Variants in ADK observed in about 807,000 individuals in gnomAD.
ADK encodes adenosine kinase.
Under a neutral mutation model 44.7 loss-of-function variants are expected in ADK, and 24 were observed. The observed-to-expected ratio is 0.54, with a 90% confidence interval of 0.39 to 0.76. The LOEUF (loss-of-function observed/expected upper bound fraction) is 0.76. Among genes scored for constraint, ADK ranks in the 30% least tolerant of loss-of-function variants. The pLI is 0.00. For missense variants in ADK, 321 were observed against 425.1 expected (o/e 0.76, Z 2.15); for synonymous variants, 128 against 142.6 (o/e 0.90, Z 0.73).
intron 6 of ADK, among the ~76,000 whole-genome samples, chr10:74,401,719 TGG>T (rs1393454853): frequency 3.3e-5 from 5 of 152,210 alleles, no homozygotes; most frequent in African/African-American, 1.2e-4. Flanking sequence ...GTCTTTTAAT[TGG>T]GGCGTTTAGC....
intron 4 of ADK, among the ~76,000 whole-genome samples, chr10:74,338,411 T>G (rs1233003528): frequency 6.6e-6 from 1 of 152,190 alleles, no homozygotes; most frequent in Non-Finnish European, 1.5e-5. Context: ...ATCATATTCC[T>G]GAGTATTTAA....
chr10:74,230,532 C>T (rs1844720621), intron 3 of ADK, among the ~76,000 whole-genome samples: 1 of 151,238 alleles, frequency 6.6e-6, no homozygotes, highest in South Asian at 2.1e-4. Flanking sequence ...AAAACAGTTG[C>T]ATGATCATGG....
chr10:74,396,720 G>A (rs1394695926), intron 5 of ADK, among the ~76,000 whole-genome samples: 3 of 138,948 alleles, frequency 2.2e-5, no homozygotes, highest in Non-Finnish European at 4.9e-5. Flanking sequence ...TTGGGAGGCC[G>A]AGGCGGGTGG....
At chr10:74,276,762 A>T (rs1846695459) in intron 3 of ADK, among the ~76,000 whole-genome samples, 1 of 151,506 alleles carries the variant, frequency 6.6e-6, no homozygotes, top group African/African-American at 2.4e-5. Flanking sequence ...GTTTAATCTC[A>T]GTGGTGTTTA....
chr10:74,495,156 G>A (rs925406249), intron 6 of ADK, among the ~76,000 whole-genome samples: 8 of 151,844 alleles, frequency 5.3e-5, no homozygotes, highest in African/African-American at 1.5e-4. Context: ...TAATGATGTA[G>A]ATCTCTTCAT....
intron 9 of ADK, among the ~76,000 whole-genome samples, chr10:74,634,412 G>T (rs1589317810): frequency 1.3e-5 from 2 of 151,886 alleles, no homozygotes; most frequent in South Asian, 2.1e-4. Flanking sequence ...TGGAGACGGG[G>T]TTTCACCGTG....
intron 3 of ADK, among the ~76,000 whole-genome samples, chr10:74,292,526 G>T (rs1307889574): frequency 6.6e-6 from 1 of 152,098 alleles, no homozygotes; most frequent in Non-Finnish European, 1.5e-5. Flanking sequence ...GAATCTGCTT[G>T]TATTTTTGAT....
intron 6 of ADK, among the ~76,000 whole-genome samples, chr10:74,477,444 G>A (rs543547543): frequency 1.6e-4 from 24 of 152,282 alleles, no homozygotes; most frequent in African/African-American, 5.8e-4. Flanking sequence ...CTAGGCTCAC[G>A]TGATCTACCT....
chr10:74,405,570 A>G (rs1477429450), intron 6 of ADK, among the ~76,000 whole-genome samples: 1 of 152,044 alleles, frequency 6.6e-6, no homozygotes, highest in Non-Finnish European at 1.5e-5. Context: ...TGCTGCACCC[A>G]GCAGAGGATT....
intron 1 of ADK, chr10:74,176,761 C>G: frequency 6.4e-7 from 1 of 1,559,074 alleles, no homozygotes; most frequent in South Asian, 1.2e-5. Flanking sequence ...GGACGCGCTC[C>G]CAGTCGCTGA....
At chr10:74,631,330 A>G (rs1033227412) in intron 9 of ADK, among the ~76,000 whole-genome samples, 2 of 150,642 alleles carry the variant, frequency 1.3e-5, no homozygotes, top group African/African-American at 4.9e-5. Context: ...GCTGGAGTGC[A>G]ATGGCGCAAC....
chr10:74,449,580 C>T (rs899227007), intron 6 of ADK, among the ~76,000 whole-genome samples: 9 of 151,668 alleles, frequency 5.9e-5, no homozygotes, highest in Non-Finnish European at 1.5e-5. Flanking sequence ...CTGTTTAGTG[C>T]CTAGTATTTT....
intron 9 of ADK, among the ~76,000 whole-genome samples, chr10:74,610,631 A>C (rs1426161396): frequency 1.3e-5 from 2 of 152,126 alleles, no homozygotes; most frequent in African/African-American, 4.8e-5. Context: ...CCTAAAGAGT[A>C]AGATGCTGGG....
In ADK at chr10:74,493,048, C is replaced by A. The variant is rs185102803; in HGVS notation, c.556-32208C>A. Among the ~76,000 whole-genome samples the A allele has an allele frequency of 2.0e-5, 3 of 152,102 alleles. 1 individual carries two copies. Among genetic ancestry groups the A allele is most frequent in the South Asian group, 4.1e-4 (2 of 4,826 alleles). ...CCAAATAATGATTTGTTTTTCATTC[C>A]ATCATTTTTTCTGCATTTGTTAGTT... On this transcript the variant is annotated intron_variant, in intron 6 of 10. Transcript: ENST00000539909.
At position 74,249,496 on chromosome 10, in the gene ADK, T is replaced by TACACACACAC. The variant is rs72380023; in HGVS notation, c.194+24927_194+24936dup. On this transcript the variant is annotated intron_variant, in intron 3 of 10. Transcript: ENST00000539909. ...TTTATTGTATATGCATGTACATGCA[T>TACACACACAC]ACACACACACACACACACACACACA... Among the ~76,000 whole-genome samples the TACACACACAC allele has an allele frequency of 2.4e-4, 36 of 149,162 alleles. 1 individual carries two copies. Among genetic ancestry groups the TACACACACAC allele is most frequent in the Middle Eastern group, 6.9e-3 (2 of 290 alleles).
intron 6 of ADK, among the ~76,000 whole-genome samples, chr10:74,470,731 A>G (rs1846552920): frequency 1.3e-5 from 2 of 151,916 alleles, no homozygotes; most frequent in African/African-American, 4.8e-5. Context: ...CTCTCACTTC[A>G]TAAGTTGCCT....
At chr10:74,466,399 C>T (rs1295180978) in intron 6 of ADK, among the ~76,000 whole-genome samples, 1 of 152,164 alleles carries the variant, frequency 6.6e-6, no homozygotes, top group Non-Finnish European at 1.5e-5. Flanking sequence ...CTCTTTCCCT[C>T]TGCCTTCAGT....
intron 4 of ADK, among the ~76,000 whole-genome samples, chr10:74,362,622 A>G (rs570387347): frequency 6.6e-5 from 10 of 152,266 alleles, no homozygotes; most frequent in African/African-American, 1.4e-4. Context: ...AAGTGTGATG[A>G]TGTCTGAGCA....
At chr10:74,596,225 G>C (rs2133948514) in intron 8 of ADK, among the ~76,000 whole-genome samples, 1 of 152,088 alleles carries the variant, frequency 6.6e-6, no homozygotes, top group Non-Finnish European at 1.5e-5. Context: ...TATTATCCTT[G>C]GAGTCAGACT....
Sources: gnomAD v4.1 joint callset for allele counts (sites outside exome capture counted in the v4.1 genomes callset) on GRCh38, gnomAD v4.1.1 for gene constraint, MANE v1.5 for transcripts, NCBI Gene and HGNC (gene_info 2026-07-23, HGNC 2026-07-21) for gene names.